Variants in RAB11FIP3 observed in about 807,000 individuals in gnomAD.
RAB11FIP3 encodes rab11 family-interacting protein 3.
Under a neutral mutation model 77.8 loss-of-function variants are expected in RAB11FIP3, and 17 were observed. That is an observed-to-expected ratio of 0.22 (90% CI 0.15 to 0.33). The LOEUF (loss-of-function observed/expected upper bound fraction) is 0.33, where lower values mean the gene tolerates loss of function less well. Among genes scored for constraint, RAB11FIP3 ranks in the 10% least tolerant of loss-of-function variants. RAB11FIP3 has a pLI of 1.00. For missense variants in RAB11FIP3, 1,005 were observed against 1,011.2 expected (o/e 0.99, Z 0.08); for synonymous variants, 437 against 448.2 (o/e 0.98, Z 0.31).
chr16:452,915 C>T lies in RAB11FIP3; in HGVS notation c.715-8489C>T, dbSNP rs1210888808. Among the ~76,000 whole-genome samples the T allele has an allele frequency of 1.7e-3, 96 of 57,472 alleles. 1 individual carries two copies. Among genetic ancestry groups the T allele is most frequent in the Middle Eastern group, 0.042 (2 of 48 alleles). The allele number at this position is 57,472 out of a possible 152,430, so 37.7% of individuals were successfully genotyped here. ...GACTACAGGCGCCCGCCACCACGCC[C>T]GGCTAATTTTTTGTATTTTTAGTAG... On this transcript the variant is annotated intron_variant, in intron 1 of 13. Transcript: ENST00000262305.
At chr16:464,016 C>T (rs2055661785) in intron 2 of RAB11FIP3, among the ~76,000 whole-genome samples, 1 of 152,078 alleles carries the variant, frequency 6.6e-6, no homozygotes. Flanking sequence ...ACCATCTGGC[C>T]CAGGTGAGGA....
In RAB11FIP3 at chr16:505,818, A is replaced by C. The variant is rs1404812423; in HGVS notation, c.1499+191A>C. ...CAGTGGGCTGCAGGCAGGCGACCCG[A>C]GGCTCTGACTGGTGCTCTCATGGAA... On this transcript the variant is annotated intron_variant, in intron 8 of 13. Transcript: ENST00000262305. The surrounding 1 kb of genome is among the most constrained non-coding windows in gnomAD (Gnocchi z 4.0). 6.6e-6 allele frequency among the ~76,000 whole-genome samples: 1 copy of C among 152,120 alleles called. No homozygotes were observed. The highest frequency in any genetic ancestry group is 1.5e-5 in the Non-Finnish European group (1 of 68,020).
Position 514,413 on chromosome 16 carries a change from C to T in RAB11FIP3, c.1640+3613C>T, listed in dbSNP as rs140788672. On this transcript the variant is annotated intron_variant, in intron 9 of 13. Transcript: ENST00000262305. The surrounding 1 kb of genome is among the most constrained non-coding windows in gnomAD (Gnocchi z 4.6). The stretch of plus-strand genomic sequence containing the variant: ...GGATCTGGAGGCAGGACTCCCAGCA[C>T]CTGCGTCGGAACCTCCTGGGAACAG... Among the ~76,000 whole-genome samples the T allele has an allele frequency of 8.1e-3, 1,231 of 152,346 alleles. 8 individuals carry two copies. The highest frequency in any genetic ancestry group is 0.012 in the Non-Finnish European group (844 of 68,036).
intron 1 of RAB11FIP3, among the ~76,000 whole-genome samples, chr16:435,835 A>G (rs947748180): frequency 6.6e-6 from 1 of 152,234 alleles, no homozygotes; most frequent in Admixed American, 6.5e-5. Context: ...ATTAAGGTTC[A>G]TATAAAATAT....
At chr16:474,793 C>CA in intron 3 of RAB11FIP3, 1 of 1,393,496 alleles carries the variant, frequency 7.2e-7, no homozygotes, top group Non-Finnish European at 9.3e-7. Context: ...TTTAAACCAG[C>CA]AAGGACACTT....
rs2030411501 is a variant in RAB11FIP3, at chr16:492,370, A to ACCCGAGGCCGCCCAGAGCCCTCCCCGGGG, written c.1265+3370_1265+3371insCCCGAGGCCGCCCAGAGCCCTCCCCGGGG. On this transcript the variant is annotated intron_variant, in intron 5 of 13. Coordinates refer to ENST00000262305, the MANE Select transcript of RAB11FIP3 (RefSeq NM_014700.4). ...GCTCTTTGAAGAGGGTCTTCCCGGG[A>ACCCGAGGCCGCCCAGAGCCCTCCCCGGGG]GACCCGAGGCCGCCCAGAGCCCTCC... Among the ~76,000 whole-genome samples the ACCCGAGGCCGCCCAGAGCCCTCCCCGGGG allele has an allele frequency of 3.8e-5, 5 of 131,800 alleles. 1 individual carries two copies. 86.5% of individuals were successfully genotyped at this position (131,800 alleles called of 152,430 possible).
rs151035537 is a variant in RAB11FIP3, at chr16:438,194, G to A, written c.714+11474G>A. On this transcript the variant is annotated intron_variant, in intron 1 of 13. Coordinates refer to ENST00000262305, the MANE Select transcript of RAB11FIP3 (RefSeq NM_014700.4). The stretch of plus-strand genomic sequence containing the variant: ...GTGATATCCACTTACTGCAACCTCC[G>A]CCTCTCAGGTTCAAGCAATTCTCCT... 7.0e-3 allele frequency among the ~76,000 whole-genome samples: 1,064 copies of A among 151,984 alleles called. 10 individuals carry two copies. The highest frequency in any genetic ancestry group is 0.024 in the African/African-American group (982 of 41,422).
At chr16:459,207 A>G (rs1187482776) in intron 1 of RAB11FIP3, among the ~76,000 whole-genome samples, 1 of 149,832 alleles carries the variant, frequency 6.7e-6, no homozygotes, top group African/African-American at 2.5e-5. Flanking sequence ...GCTCACTACA[A>G]CCTCCACCTC....
chr16:438,966 C>T (rs887331632), intron 1 of RAB11FIP3, among the ~76,000 whole-genome samples: 15 of 152,192 alleles, frequency 9.9e-5, no homozygotes, highest in Non-Finnish European at 1.2e-4. Context: ...GGATTATAGG[C>T]GTGAACCGCC....
intron 2 of RAB11FIP3, among the ~76,000 whole-genome samples, chr16:465,721 TG>T (rs1242328715): frequency 6.6e-6 from 1 of 152,120 alleles, no homozygotes; most frequent in Non-Finnish European, 1.5e-5. Flanking sequence ...GCGATTCTCC[TG>T]CCTCAGCCTC....
At chr16:450,149 C>G (rs1026425418) in intron 1 of RAB11FIP3, among the ~76,000 whole-genome samples, 1 of 151,988 alleles carries the variant, frequency 6.6e-6, no homozygotes, top group Non-Finnish European at 1.5e-5. Context: ...CACCATTTGA[C>G]CTGCCGAACG....
At position 441,566 on chromosome 16, in the gene RAB11FIP3, C is replaced by G. The variant is rs3785297; in HGVS notation, c.714+14846C>G. 3.3e-4 allele frequency among the ~76,000 whole-genome samples: 50 copies of G among 152,296 alleles called. No homozygotes were observed. The East Asian group carries it at 9.5e-3, about 29-fold the overall frequency. On this transcript the variant is annotated intron_variant, in intron 1 of 13. Transcript: ENST00000262305. Reference sequence around the variant, plus strand: ...TAAAATAATCGCTATGCTGGGTACTCTGTCGTTGCCTCTCTAAATTGATCT... The same window carrying G: ...TAAAATAATCGCTATGCTGGGTACTGTGTCGTTGCCTCTCTAAATTGATCT...
intron 1 of RAB11FIP3, among the ~76,000 whole-genome samples, chr16:454,477 T>C (rs2055463054): frequency 6.6e-6 from 1 of 152,130 alleles, no homozygotes; most frequent in Non-Finnish European, 1.5e-5. Flanking sequence ...CTCAGGAGGC[T>C]GAGGCAAGAG....
intron 5 of RAB11FIP3, among the ~76,000 whole-genome samples, chr16:495,545 C>G (rs1365128119): frequency 6.6e-6 from 1 of 152,138 alleles, no homozygotes; most frequent in South Asian, 2.1e-4. Context: ...GTCGGAGGGC[C>G]CTGCAGAGAG....
chr16:462,879 G>T (rs1193357061), intron 2 of RAB11FIP3, among the ~76,000 whole-genome samples: 1 of 134,216 alleles, frequency 7.5e-6, no homozygotes, highest in African/African-American at 2.9e-5. Context: ...TCAGCACAAT[G>T]TCTTCCCCAG....
chr16:435,851 A>G (rs1428716970), intron 1 of RAB11FIP3, among the ~76,000 whole-genome samples: 1 of 152,222 alleles, frequency 6.6e-6, no homozygotes, highest in Admixed American at 6.5e-5. Context: ...AATATACAAA[A>G]TACATCTAAA....
intron 9 of RAB11FIP3, among the ~76,000 whole-genome samples, chr16:517,625 G>A (rs2032475295): frequency 6.6e-6 from 1 of 152,194 alleles, no homozygotes; most frequent in African/African-American, 2.4e-5. Flanking sequence ...GGGCACGCAT[G>A]GGAAAGCCAC....
intron 2 of RAB11FIP3, among the ~76,000 whole-genome samples, chr16:468,218 G>GGTC (rs371041799): frequency 2.2e-5 from 1 of 45,194 alleles, no homozygotes; most frequent in Non-Finnish European, 4.5e-5. Context: ...GGGAGGAGGT[G>GGTC]CTGGGGCGTC....
chr16:427,462 G>C lies in RAB11FIP3; in HGVS notation c.714+742G>C, dbSNP rs576691440. Among the ~76,000 whole-genome samples, 34 of 152,336 alleles carry C rather than the reference G, an allele frequency of 2.2e-4. 1 individual carries two copies. The South Asian group carries it at 6.8e-3, about 31-fold the overall frequency. ...ACAGTACAGTGTGGAAGGGGTCCAC[G>C]CGGTCCTCAGGGCACCTGCTCCTGG... On this transcript the variant is annotated intron_variant, in intron 1 of 13. Transcript: ENST00000262305.
Sources: gnomAD v4.1 joint callset for allele counts (sites outside exome capture counted in the v4.1 genomes callset) on GRCh38, gnomAD v4.1.1 for gene constraint, Gnocchi (gnomAD v3.1) non-coding constraint, MANE v1.5 for transcripts, NCBI Gene and HGNC (gene_info 2026-07-23, HGNC 2026-07-21) for gene names.